PSMG2: variants seen among roughly 807,000 people sequenced by gnomAD.
The protein encoded by PSMG2 is CD40 ligand-activated specific transcript 3.
In PSMG2, 21 loss-of-function variants were observed where a neutral mutation model predicts 31.5. The ratio of observed to expected loss-of-function variants is 0.67; its 90% CI spans 0.47 to 0.96. PSMG2 has a LOEUF of 0.96. PSMG2 is among the 40% of genes least tolerant of loss of function. The pLI is 0.00. For synonymous variants in PSMG2, 120 were observed against 110.4 expected (o/e 1.09, Z -0.54); for missense variants, 318 against 321.2 (o/e 0.99, Z 0.08).
chr18:12,659,527 G>A lies in PSMG2; in HGVS notation c.-37+754G>A, dbSNP rs532381710. ...ACTAAAAATACAAAGAAAATTAGCC[G>A]AGTGTGGTGACGCACGCTTGTAATC... On this transcript the variant is annotated intron_variant, in intron 1 of 6. Coordinates refer to the PSMG2 transcript ENST00000585331. Among the ~76,000 whole-genome samples, 15 of 152,144 alleles carry A rather than the reference G, an allele frequency of 9.9e-5. No individual in the cohort carries two copies. In the South Asian group the frequency reaches 1.0e-3, roughly 11 times the overall value.
upstream of PSMG2, chr18:12,698,795 T>C (rs997507728): frequency 3.5e-6 from 2 of 573,596 alleles, no homozygotes; most frequent in Non-Finnish European, 6.2e-6. Context: ...CCAGGGAAAA[T>C]GAATAGCAAA....
intron 1 of PSMG2, among the ~76,000 whole-genome samples, chr18:12,670,153 A>G (rs1270881572): frequency 6.6e-6 from 1 of 151,544 alleles, no homozygotes; most frequent in Non-Finnish European, 1.5e-5. Flanking sequence ...AACAAGGTGA[A>G]ACCCCTCTCT....
chr18:12,690,057 G>A (rs893436478), intron 1 of PSMG2, among the ~76,000 whole-genome samples: 3 of 151,400 alleles, frequency 2.0e-5, no homozygotes, highest in Non-Finnish European at 3.0e-5. Flanking sequence ...CCCAAGTGCT[G>A]GGATTACAGG....
chr18:12,660,616 C>T (rs565684151), intron 1 of PSMG2, among the ~76,000 whole-genome samples: 16 of 151,986 alleles, frequency 1.1e-4, no homozygotes, highest in Non-Finnish European at 2.2e-4. Context: ...CCACTGTGCC[C>T]GGCCAAAAGA....
In PSMG2 at chr18:12,713,409, A is replaced by G. The variant is rs138881595; in HGVS notation, c.288+649A>G. 2.3e-3 allele frequency among the ~76,000 whole-genome samples: 351 copies of G among 152,320 alleles called. 3 individuals are homozygous for G. Among genetic ancestry groups the G allele is most frequent in the South Asian group, 0.014 (69 of 4,828 alleles). ...CCAAGGAGACAGGAGTCGACCTCAA[A>G]TCTGCCTCCCTGTGCTGACTTCAAG... On this transcript the variant is annotated intron_variant, in intron 3 of 6. Transcript: ENST00000317615.
chr18:12,699,796 A>T, upstream of PSMG2: 1 of 1,214,588 alleles, frequency 8.2e-7, no homozygotes, highest in Non-Finnish European at 1.2e-6. Context: ...ATTTACTATT[A>T]ACCACAACTA....
intron 1 of PSMG2, among the ~76,000 whole-genome samples, chr18:12,687,454 ATTTT>A (rs1259960536): frequency 1.4e-5 from 2 of 140,728 alleles, no homozygotes; most frequent in South Asian, 2.2e-4. Flanking sequence ...GAAGGCATCA[ATTTT>A]TTTTTTTTTT....
chr18:12,696,865 A>G (rs972648781), intron 1 of PSMG2, among the ~76,000 whole-genome samples: 1 of 152,224 alleles, frequency 6.6e-6, no homozygotes, highest in African/African-American at 2.4e-5. Context: ...GATGTATTCC[A>G]GGGTGTGATG....
At chr18:12,681,974 C>A (rs1286060668) in intron 1 of PSMG2, among the ~76,000 whole-genome samples, 2 of 147,286 alleles carry the variant, frequency 1.4e-5, no homozygotes, top group Admixed American at 6.8e-5. Flanking sequence ...CCAGCCTGGA[C>A]AACAGAGTGA....
In PSMG2 at chr18:12,696,877, C is replaced by T. The variant is rs1204888013; in HGVS notation, c.-36-9673C>T. On this transcript the variant is annotated intron_variant, in intron 1 of 6. Coordinates refer to the PSMG2 transcript ENST00000585331. ...GGGGATGTATTCCAGGGTGTGATGA[C>T]TGGACACACATAAGTTTGTATGTGT... Among the ~76,000 whole-genome samples the T allele has an allele frequency of 2.0e-5, 3 of 152,144 alleles. No individual in the cohort carries two copies. The South Asian group carries it at 6.2e-4, about 31-fold the overall frequency.
intron 3 of PSMG2, 64 bp downstream of exon 3, chr18:12,712,824 G>C: frequency 1.6e-6 from 2 of 1,282,472 alleles, no homozygotes; most frequent in South Asian, 1.3e-5. Context: ...GTAACATTAG[G>C]GATTAAGATT....
rs1160483305 is a variant in PSMG2 at position 12,724,527 on chromosome 18, C to T, written c.610C>T (p.Leu204=). The T allele has an allele frequency of 1.2e-6, 2 of 1,606,076 alleles. No individual in the cohort carries two copies. The highest frequency in any genetic ancestry group is 1.7e-5 in the Admixed American group (1 of 58,272). The change falls in exon 6 of 7, where the codon CTG becomes TTG. Residue 204 remains leucine, a synonymous_variant. Transcript: ENST00000317615. ...TTCTAAAGAAATCCAAATGGCAGTT[C>T]TGCTGAAATTTGTTTCAGAAGGGGA... ...SCSKEIQMAV[L]LKFVSEGDNI...
At chr18:12,702,952 G>T (rs1011257513), upstream of PSMG2, 21 of 795,088 alleles carry the variant, frequency 2.6e-5, no homozygotes, top group African/African-American at 3.7e-5. Flanking sequence ...CTCTGAACCG[G>T]CAGTTAGCTG....
intron 1 of PSMG2, among the ~76,000 whole-genome samples, chr18:12,671,705 G>C (rs974285854): frequency 1.5e-5 from 2 of 136,838 alleles, no homozygotes; most frequent in African/African-American, 2.8e-5. Context: ...CTGGAATGCA[G>C]TGACGCGATC....
intron 1 of PSMG2, among the ~76,000 whole-genome samples, chr18:12,675,860 G>A (rs2039110309): frequency 6.6e-6 from 1 of 151,822 alleles, no homozygotes; most frequent in South Asian, 2.1e-4. Flanking sequence ...GTAGAGACGG[G>A]CTTTCACCAT....
chr18:12,712,192 T>A (rs940726894), intron 2 of PSMG2, among the ~76,000 whole-genome samples: 6 of 152,234 alleles, frequency 3.9e-5, no homozygotes, highest in Non-Finnish European at 8.8e-5. Flanking sequence ...CATGACATTT[T>A]ATGTTATTTC....
At chr18:12,699,562 T>C (rs185760730), upstream of PSMG2, among the ~76,000 whole-genome samples, 140 of 152,206 alleles carry the variant, frequency 9.2e-4, no homozygotes, top group Non-Finnish European at 1.7e-3. Context: ...GTCAATTATA[T>C]TAATATTTAA....
At chr18:12,708,252 G>A (rs1359571867) in intron 2 of PSMG2, among the ~76,000 whole-genome samples, 1 of 152,084 alleles carries the variant, frequency 6.6e-6, no homozygotes, top group Non-Finnish European at 1.5e-5. Context: ...CTCCAGCCCG[G>A]GTGACAAAGT....
chr18:12,663,558 C>T (rs1831509945), intron 1 of PSMG2: 1 of 152,106 alleles, frequency 6.6e-6, no homozygotes, highest in South Asian at 2.1e-4. Flanking sequence ...CAGATGTGAG[C>T]CACCACAACC....
Sources: gnomAD v4.1 joint callset for allele counts (sites outside exome capture counted in the v4.1 genomes callset) on GRCh38, gnomAD v4.1.1 for gene constraint, MANE v1.5 for transcripts, NCBI Gene and HGNC (gene_info 2026-07-23, HGNC 2026-07-21) for gene names.